Variants in CLDN10 observed in about 807,000 individuals in gnomAD.
The protein encoded by CLDN10 is claudin 10.
CLDN10 carries 15 observed loss-of-function variants against 22.9 expected under a neutral mutation model. That is an observed-to-expected ratio of 0.65 (90% CI 0.44 to 1.01). The LOEUF (loss-of-function observed/expected upper bound fraction) is 1.01, where lower values mean the gene tolerates loss of function less well. CLDN10 is among the 50% of genes least tolerant of loss of function. The pLI is 0.00. For synonymous variants in CLDN10, 114 were observed against 111.4 expected (o/e 1.02, Z -0.15); for missense variants, 247 against 287.8 (o/e 0.86, Z 1.03).
intron 1 of CLDN10, among the ~76,000 whole-genome samples, chr13:95,489,779 G>A (rs193125303): frequency 2.2e-3 from 337 of 152,284 alleles, no homozygotes; most frequent in African/African-American, 7.0e-3. Context: ...TCTTGGTCAT[G>A]AAATCCTTGC....
At chr13:95,543,093 A>T (rs1264767016) in intron 1 of CLDN10, among the ~76,000 whole-genome samples, 1 of 152,124 alleles carries the variant, frequency 6.6e-6, no homozygotes, top group Non-Finnish European at 1.5e-5. Flanking sequence ...TTAGCCAAGC[A>T]TAGTGTCACA....
intron 1 of CLDN10, among the ~76,000 whole-genome samples, chr13:95,436,778 T>C (rs989153129): frequency 6.6e-6 from 1 of 152,220 alleles, no homozygotes; most frequent in Non-Finnish European, 1.5e-5. Context: ...ATGGAGTCAT[T>C]GCTGGTTGCT....
At chr13:95,444,348 A>G (rs964893322) in intron 1 of CLDN10, among the ~76,000 whole-genome samples, 1 of 152,246 alleles carries the variant, frequency 6.6e-6, no homozygotes, top group African/African-American at 2.4e-5. Context: ...TCTACAATTA[A>G]GCTTTTGCCA....
At chr13:95,515,374 A>G (rs756836161) in intron 1 of CLDN10, among the ~76,000 whole-genome samples, 1 of 152,056 alleles carries the variant, frequency 6.6e-6, no homozygotes, top group Non-Finnish European at 1.5e-5. Context: ...AATTTTTTGT[A>G]TTTTTAGTAG....
chr13:95,514,453 G>A (rs1445908448), intron 1 of CLDN10, among the ~76,000 whole-genome samples: 1 of 117,406 alleles, frequency 8.5e-6, no homozygotes, highest in Non-Finnish European at 1.6e-5. Flanking sequence ...AACCAATAAT[G>A]GTGGGTAGAG....
intron 1 of CLDN10, among the ~76,000 whole-genome samples, chr13:95,510,211 T>G (rs183189666): frequency 6.6e-6 from 1 of 152,294 alleles, no homozygotes; most frequent in East Asian, 1.9e-4. Context: ...TGGCTTCCAG[T>G]GAAGAACACT....
intron 1 of CLDN10, among the ~76,000 whole-genome samples, chr13:95,517,678 C>T (rs1484642955): frequency 6.6e-6 from 1 of 152,056 alleles, no homozygotes; most frequent in Non-Finnish European, 1.5e-5. Context: ...GCTCATGCCT[C>T]TAATCCCAGC....
intron 1 of CLDN10, among the ~76,000 whole-genome samples, chr13:95,558,592 G>C (rs930886536): frequency 1.3e-5 from 2 of 152,134 alleles, no homozygotes; most frequent in Admixed American, 1.3e-4. Context: ...ATGGGTCCAA[G>C]GAATAGGATT....
At chr13:95,523,640 C>A (rs2043244944) in intron 1 of CLDN10, among the ~76,000 whole-genome samples, 1 of 152,160 alleles carries the variant, frequency 6.6e-6, no homozygotes, top group African/African-American at 2.4e-5. Flanking sequence ...TAGGGTCTCA[C>A]TACATGGCCC....
chr13:95,553,350 G>A (rs1257624710), intron 1 of CLDN10, among the ~76,000 whole-genome samples: 1 of 152,088 alleles, frequency 6.6e-6, no homozygotes, highest in African/African-American at 2.4e-5. Context: ...GCAGGGGCTT[G>A]TCTCCTCCAC....
chr13:95,510,067 C>T (rs1431704104), intron 1 of CLDN10, among the ~76,000 whole-genome samples: 1 of 152,192 alleles, frequency 6.6e-6, no homozygotes, highest in Non-Finnish European at 1.5e-5. Context: ...CAAATTGCAA[C>T]GGGAAAGCTC....
At chr13:95,476,179 G>A (rs1423447753) in intron 1 of CLDN10, among the ~76,000 whole-genome samples, 3 of 152,198 alleles carry the variant, frequency 2.0e-5, no homozygotes, top group African/African-American at 7.2e-5. Flanking sequence ...TGGATTGTCG[G>A]CATTTGGTTA....
At chr13:95,527,941 T>C (rs1306118027) in intron 1 of CLDN10, among the ~76,000 whole-genome samples, 2 of 152,208 alleles carry the variant, frequency 1.3e-5, no homozygotes, top group Non-Finnish European at 1.5e-5. Flanking sequence ...TGCTGAACCA[T>C]TGACCACTAG....
chr13:95,560,064 TA>T, intron 1 of CLDN10, 67 bp from the exon 2 acceptor site: 1 of 1,417,380 alleles, frequency 7.1e-7, no homozygotes, highest in Non-Finnish European at 9.7e-7. Flanking sequence ...AATGACAACG[TA>T]AAATGAGGAT....
At chr13:95,539,997 A>C (rs2043442204) in intron 1 of CLDN10, among the ~76,000 whole-genome samples, 1 of 151,594 alleles carries the variant, frequency 6.6e-6, no homozygotes, top group Admixed American at 6.6e-5. Context: ...TCTGCCAAAA[A>C]TATAAAAATT....
At chr13:95,454,083 C>G (rs1442428287) in intron 1 of CLDN10, among the ~76,000 whole-genome samples, 2 of 152,044 alleles carry the variant, frequency 1.3e-5, no homozygotes, top group Non-Finnish European at 2.9e-5. Context: ...CCAGGTTGAC[C>G]AAGTCAGGAT....
At chr13:95,503,874 T>C (rs888339263) in intron 1 of CLDN10, among the ~76,000 whole-genome samples, 1 of 152,208 alleles carries the variant, frequency 6.6e-6, no homozygotes, top group African/African-American at 2.4e-5. Context: ...GTACAGAGTT[T>C]CAGTTCTGCA....
At chr13:95,491,127 CTTTAAG>C (rs569250398) in intron 1 of CLDN10, among the ~76,000 whole-genome samples, 17 of 152,294 alleles carry the variant, frequency 1.1e-4, no homozygotes, top group Admixed American at 7.8e-4. Flanking sequence ...CACCCCTTTA[CTTTAAG>C]TTTATGTGAA....
intron 1 of CLDN10, among the ~76,000 whole-genome samples, chr13:95,466,783 A>G (rs2042584817): frequency 6.6e-6 from 1 of 152,154 alleles, no homozygotes; most frequent in Non-Finnish European, 1.5e-5. Flanking sequence ...ACAAAAGTAG[A>G]GAAAATAGTA....
Sources: gnomAD v4.1 joint callset for allele counts (sites outside exome capture counted in the v4.1 genomes callset) on GRCh38, gnomAD v4.1.1 for gene constraint, MANE v1.5 for transcripts, NCBI Gene and HGNC (gene_info 2026-07-23, HGNC 2026-07-21) for gene names.